IRF2BPL: variants seen among roughly 807,000 people sequenced by gnomAD.
IRF2BPL encodes probable E3 ubiquitin-protein ligase IRF2BPL.
IRF2BPL carries 13 observed loss-of-function variants against 51.2 expected under a neutral mutation model. The observed-to-expected ratio is 0.25, with a 90% CI of 0.17 to 0.40. The LOEUF (loss-of-function observed/expected upper bound fraction) is 0.40, where lower values mean the gene tolerates loss of function less well. Ranked by LOEUF, IRF2BPL falls within the 10% of genes least tolerant of loss-of-function variation. The pLI is 1.00. For missense variants in IRF2BPL, 1,210 were observed against 1,111.8 expected (o/e 1.09, Z -1.26); for synonymous variants, 768 against 509.2 (o/e 1.51, Z -6.84).
rs763965822 is a variant in IRF2BPL, at chr14:77,027,424, CTGCTGCTGCTGCTGCTGCTGCTGCTGT to C, written c.342_368del (p.Gln119_Gln127del). 994 of 209,938 alleles carry C rather than the reference CTGCTGCTGCTGCTGCTGCTGCTGCTGT, an allele frequency of 4.7e-3. No homozygotes were observed. The highest frequency in any genetic ancestry group is 0.013 in the South Asian group (191 of 14,610). 13.0% of individuals were successfully genotyped at this position (209,938 alleles called of 1,614,324 possible). The stretch of plus-strand genomic sequence containing the variant: ...CAACGTGGTTGAGCTGTTGTTGCTG[CTGCTGCTGCTGCTGCTGCTGCTGCTGT>C]TGCTGCTGCTGCTGCTGCTGTTGCT... On this transcript the variant is annotated inframe_deletion, in exon 1 of 1. Coordinates refer to ENST00000238647, the MANE Select transcript of IRF2BPL (RefSeq NM_024496.4).
In IRF2BPL at chr14:77,026,877, A is replaced by G; in HGVS notation, c.916T>C (p.Ser306Pro). The G allele has an allele frequency of 6.4e-7, 1 of 1,573,424 alleles. No individual in the cohort carries two copies. Among genetic ancestry groups the G allele is most frequent in the South Asian group, 1.2e-5 (1 of 86,526 alleles). ...GACGACGCGGAGGACGACGTGGCCGATACACCCGGGGTACCCCCGAGACAA... is the reference window on the plus strand; with the variant it reads ...GACGACGCGGAGGACGACGTGGCCGGTACACCCGGGGTACCCCCGAGACAA... ...PACLGGTPGV[S>P]ATSSSASSST... The change falls in exon 1 of 1, where the codon TCG (serine) becomes CCG (proline). Residue 306 changes from serine to proline, a missense_variant. Coordinates refer to ENST00000238647, the MANE Select transcript of IRF2BPL (RefSeq NM_024496.4).
Position 77,025,263 on chromosome 14 carries a change from C to A in IRF2BPL, c.*139G>T. ...ACGAAAATAATGTCTATACATAAGA[C>A]TAACTTTTTGCAGTTTCGTTATATT... On this transcript the variant is annotated 3_prime_UTR_variant, in exon 1 of 1. Coordinates refer to ENST00000238647, the MANE Select transcript of IRF2BPL (RefSeq NM_024496.4). The A allele has an allele frequency of 1.8e-6, 1 of 542,048 alleles. No homozygotes were observed. The highest frequency in any genetic ancestry group is 3.2e-6 in the Non-Finnish European group (1 of 314,376). The allele number at this position is 542,048 out of a possible 1,614,324, so 33.6% of individuals were successfully genotyped here. A position where few individuals can be genotyped will look rare whatever the true frequency, so the allele number is the denominator to read the frequency against.
Position 77,025,908 on chromosome 14 carries a change from A to G in IRF2BPL, c.1885T>C (p.Ser629Pro). ...GCTGTGCCCAGAGTATCTGCCACCG[A>G]CATGAGAGCGGCCATAGGGGACGGA... is the stretch of plus-strand genomic sequence containing the variant. ...NGPSPMAALM[S>P]VADTLGTAHS... Residue 629 changes from serine to proline, a missense_variant, in exon 1 of 1, where the codon TCG becomes CCG. By Grantham distance (74) the Ser-to-Pro change is moderately conservative. Coordinates refer to ENST00000238647, the MANE Select transcript of IRF2BPL (RefSeq NM_024496.4). The G allele has an allele frequency of 1.2e-6, 2 of 1,611,682 alleles. No homozygotes were observed. Among genetic ancestry groups the G allele is most frequent in the Non-Finnish European group, 1.7e-6 (2 of 1,179,486 alleles).
rs368523240 is a variant in IRF2BPL, at chr14:77,026,431, G to A, written c.1362C>T (p.Ser454=). ...CGTACTCCAGGTACTTGAAACCCGA[G>A]GATAGGCCCCGGCCGAAGTCCTTCA... ...DCMKDFGRGL[S]SGFKYLEYEK... Residue 454 remains serine, a synonymous_variant, in exon 1 of 1, where the codon TCC becomes TCT. Transcript: ENST00000238647. 1.1e-5 allele frequency: 17 copies of A among 1,613,390 alleles called. No homozygotes were observed. Among genetic ancestry groups the A allele is most frequent in the Admixed American group, 3.3e-5 (2 of 60,006 alleles).
rs775688037 is a variant in IRF2BPL at position 77,026,590 on chromosome 14, G to T, written c.1203C>A (p.Arg401=). 11 of 1,613,844 alleles carry T rather than the reference G, an allele frequency of 6.8e-6. No individual in the cohort carries two copies. The East Asian group carries it at 2.5e-4, about 36-fold the overall frequency. Residue 401 remains arginine (R), a synonymous_variant, in exon 1 of 1, where the codon CGC becomes CGA. Transcript: ENST00000238647. ...RFKKDHSLLG[R]VFAFDAVSKP... ...TGGAGACGGCGTCGAAGGCGAAAAC[G>T]CGGCCCAGCAGCGAGTGGTCCTTCT...
chr14:77,028,643 T>G lies in IRF2BPL; in HGVS notation c.-851A>C. On this transcript the variant is annotated 5_prime_UTR_variant, in exon 1 of 1. Transcript: ENST00000238647. Reference sequence around the variant, plus strand: ...GCTCGCCCGGAATGTGGGGTTGTGATTGTTACTCTACGTTCCGGAGGCGCG... The same window carrying G: ...GCTCGCCCGGAATGTGGGGTTGTGAGTGTTACTCTACGTTCCGGAGGCGCG... The G allele has an allele frequency of 5.2e-6, 2 of 381,802 alleles. No homozygotes were observed. The highest frequency in any genetic ancestry group is 9.3e-6 in the Non-Finnish European group (2 of 214,936). 23.7% of individuals were successfully genotyped at this position (381,802 alleles called of 1,614,324 possible).
In IRF2BPL at chr14:77,025,885, T is replaced by C. The variant is rs138274851; in HGVS notation, c.1908A>G (p.Thr636=). The change falls in exon 1 of 1, where the codon ACA becomes ACG. Residue 636 remains threonine (T), a synonymous_variant. Coordinates refer to ENST00000238647, the MANE Select transcript of IRF2BPL (RefSeq NM_024496.4). Reference sequence around the variant, plus strand: ...AACTGCCATCCTTGGGCGAGTGCGCTGTGCCCAGAGTATCTGCCACCGACA... The same window carrying C: ...AACTGCCATCCTTGGGCGAGTGCGCCGTGCCCAGAGTATCTGCCACCGACA... ...ALMSVADTLG[T]AHSPKDGSSV... is the part of the protein sequence containing the mutation. 105 of 1,612,252 alleles carry C rather than the reference T, an allele frequency of 6.5e-5. No individual in the cohort carries two copies. The African/African-American group carries it at 1.1e-3, about 18-fold the overall frequency.
rs1362736082 is a variant in IRF2BPL at position 77,025,998 on chromosome 14, G to A, written c.1795C>T (p.Pro599Ser). 6.4e-7 allele frequency: 1 copy of A among 1,571,526 alleles called. No homozygotes were observed. The highest frequency in any genetic ancestry group is 8.6e-7 in the Non-Finnish European group (1 of 1,159,722). Reference sequence around the variant, plus strand: ...GAATGGGGTCCCAGAGGTGGGGGCGGCGGAGGCGGACCCCCCGCCGCGTGC... The same window carrying A: ...GAATGGGGTCCCAGAGGTGGGGGCGACGGAGGCGGACCCCCCGCCGCGTGC... ...PGHAAGGPPP[P>S]PPPLGPHSNR... The change falls in exon 1 of 1, where the codon CCG (proline) becomes TCG (serine). Residue 599 changes from proline to serine, a missense_variant. Coordinates refer to ENST00000238647, the MANE Select transcript of IRF2BPL (RefSeq NM_024496.4).
rs115356554 is a variant in IRF2BPL, at chr14:77,025,519, G to A, written c.2274C>T (p.Cys758=). The stretch of plus-strand genomic sequence containing the variant: ...CTAGGGGGCATTTCTCTCCGCTGGG[G>A]CAATACACCTCGCCGGTGGCCCCCT... ...KAQGATGEVY[C]PSGEKCPLVG... is the part of the protein sequence containing the mutation. The change falls in exon 1 of 1, where the codon TGC becomes TGT. Residue 758 remains cysteine (C), a synonymous_variant. Coordinates refer to ENST00000238647, the MANE Select transcript of IRF2BPL (RefSeq NM_024496.4). 8.4e-4 allele frequency: 1,351 copies of A among 1,613,966 alleles called. 16 individuals are homozygous for A. The African/African-American group carries it at 0.016, about 19-fold the overall frequency.
Position 77,026,997 on chromosome 14 carries a change from C to A in IRF2BPL, c.796G>T (p.Ala266Ser), listed in dbSNP as rs1193132127. Residue 266 changes from alanine (A) to serine (S), a missense_variant, in exon 1 of 1, where the codon GCC becomes TCC. By Grantham distance (99) the Ala-to-Ser change is moderately conservative (BLOSUM62 1). Transcript: ENST00000238647. ...GGTGGGGGGAGTACCGCAGCGCTGG[C>A]CGGGCCGTTAAGCAGCGTCTGCGGT... ...LLPQTLLNGP[A>S]SAAVLPPPPP... 3 of 1,500,558 alleles carry A rather than the reference C, an allele frequency of 2.0e-6. No homozygotes were observed. Among genetic ancestry groups the A allele is most frequent in the South Asian group, 2.6e-5 (2 of 77,948 alleles). The allele number at this position is 1,500,558 out of a possible 1,614,324, so 93.0% of individuals were successfully genotyped here.
chr14:77,027,130 C>T lies in IRF2BPL; in HGVS notation c.663G>A (p.Ala221=), dbSNP rs1417957813. 1.4e-5 allele frequency: 23 copies of T among 1,612,692 alleles called. No individual in the cohort carries two copies. The highest frequency in any genetic ancestry group is 1.7e-5 in the Non-Finnish European group (20 of 1,179,622). ...LNRQSPNSSS[A]AASVASRRGT... ...CACGCCGAGACGCCACCGACGCCGC[C>T]GCTGAAGAAGAATTGGGGCTCTGAC... Residue 221 remains alanine (A), a synonymous_variant, in exon 1 of 1, where the codon GCG becomes GCA. Transcript: ENST00000238647.
In IRF2BPL at chr14:77,025,810, G is replaced by C. The variant is rs775080917; in HGVS notation, c.1983C>G (p.Val661=). The change falls in exon 1 of 1, where the codon GTC becomes GTG. Residue 661 remains valine (V), a synonymous_variant. Coordinates refer to ENST00000238647, the MANE Select transcript of IRF2BPL (RefSeq NM_024496.4). ...GCTGCCCCGGCACGGAGGCCGGCGA[G>C]ACTGGGCTGCTGCTGTTTCGCCGCG... is the stretch of plus-strand genomic sequence containing the variant. ...ASARRNSSSP[V]SPASVPGQRR... 2 of 1,612,300 alleles carry C rather than the reference G, an allele frequency of 1.2e-6. No individual in the cohort carries two copies. The highest frequency in any genetic ancestry group is 8.5e-7 in the Non-Finnish European group (1 of 1,179,710).
Position 77,025,893 on chromosome 14 carries a change from G to A in IRF2BPL, c.1900C>T (p.Leu634=), listed in dbSNP as rs749884011. 4 of 1,612,152 alleles carry A rather than the reference G, an allele frequency of 2.5e-6. No individual in the cohort carries two copies. The highest frequency in any genetic ancestry group is 1.7e-5 in the Admixed American group (1 of 59,946). The stretch of plus-strand genomic sequence containing the variant: ...TCCTTGGGCGAGTGCGCTGTGCCCA[G>A]AGTATCTGCCACCGACATGAGAGCG... ...MAALMSVADT[L]GTAHSPKDGS... Residue 634 remains leucine, a synonymous_variant, in exon 1 of 1, where the codon CTG becomes TTG. Transcript: ENST00000238647.
In IRF2BPL at chr14:77,025,435, C is replaced by T. The variant is rs1405854314; in HGVS notation, c.2358G>A (p.Gly786=). The change falls in exon 1 of 1, where the codon GGG becomes GGA. Residue 786 remains glycine, a synonymous_variant. Coordinates refer to ENST00000238647, the MANE Select transcript of IRF2BPL (RefSeq NM_024496.4). ...CTCTCTCCTTTTTCACTTTAACATC[C>T]CCAGCTAAGATAGTCGCGATTTCGC... The part of the protein sequence containing the change: ...MQGEIATILA[G]DVKVKKERDP 6 of 1,580,222 alleles carry T rather than the reference C, an allele frequency of 3.8e-6. No homozygotes were observed. The highest frequency in any genetic ancestry group is 3.6e-5 in the Admixed American group (2 of 54,938).
In IRF2BPL at chr14:77,027,996, C is replaced by T. The variant is rs1885213690; in HGVS notation, c.-204G>A. ...CGCCGTGGGGGCTCCACCGCCCGGG[C>T]AGCGGACGGGTTCAGCCCTCTCTTC... is the stretch of plus-strand genomic sequence containing the variant. On this transcript the variant is annotated 5_prime_UTR_variant, in exon 1 of 1. Coordinates refer to ENST00000238647, the MANE Select transcript of IRF2BPL (RefSeq NM_024496.4). The T allele has an allele frequency of 1.7e-6, 1 of 577,074 alleles. No homozygotes were observed. Among genetic ancestry groups the T allele is most frequent in the South Asian group, 2.7e-5 (1 of 36,688 alleles). The allele number at this position is 577,074 out of a possible 1,614,324, so 35.7% of individuals were successfully genotyped here.
rs774391283 is a variant in IRF2BPL at position 77,027,502 on chromosome 14, G to A, written c.291C>T (p.Ala97=). 49 of 664,752 alleles carry A rather than the reference G, an allele frequency of 7.4e-5. 1 individual carries two copies. In the East Asian group the frequency reaches 1.6e-3, roughly 22 times the overall value. 41.2% of individuals were successfully genotyped at this position (664,752 alleles called of 1,614,324 possible). Residue 97 remains alanine, a synonymous_variant, in exon 1 of 1, where the codon GCC becomes GCT. Transcript: ENST00000238647. ...EAAAAAAAAA[A]AAAAAQQQQQ... Reference sequence around the variant, plus strand: ...GTTGCTGTTGCGCGGCGGCGGCGGCGGCCGCCGCTGCTGCCGCCGCCGCCG... The same window carrying A: ...GTTGCTGTTGCGCGGCGGCGGCGGCAGCCGCCGCTGCTGCCGCCGCCGCCG...
rs551581162 is a variant in IRF2BPL at position 77,026,038 on chromosome 14, G to A, written c.1755C>T (p.Gly585=). 21 of 1,563,444 alleles carry A rather than the reference G, an allele frequency of 1.3e-5. No individual in the cohort carries two copies. The African/African-American group carries it at 2.4e-4, about 18-fold the overall frequency. ...CCGCCGCGTGCCCCGGCGCCGCGAA[G>A]CCCCCGGCGGACATGGTGAGCTTCA... The part of the protein sequence containing the change: ...EALKLTMSAG[G]FAAPGHAAGG... Residue 585 remains glycine (G), a synonymous_variant, in exon 1 of 1, where the codon GGC becomes GGT. Transcript: ENST00000238647.
chr14:77,027,547 G>T lies in IRF2BPL; in HGVS notation c.246C>A (p.Ala82=), dbSNP rs1885189845. ...PPPPVGVKTV[A]LSAKEAAAAA... ...CCGCCGCCGCTTCCTTAGCCGACAG[G>T]GCCACTGTCTTGACCCCGACGGGCG... is the stretch of plus-strand genomic sequence containing the variant. Residue 82 remains alanine, a synonymous_variant, in exon 1 of 1, where the codon GCC becomes GCA. Transcript: ENST00000238647. 9.1e-6 allele frequency: 7 copies of T among 766,706 alleles called. No homozygotes were observed. Among genetic ancestry groups the T allele is most frequent in the Non-Finnish European group, 1.2e-5 (7 of 600,070 alleles). The allele number at this position is 766,706 out of a possible 1,614,324, so 47.5% of individuals were successfully genotyped here. A position where few individuals can be genotyped will look rare whatever the true frequency, so the allele number is the denominator to read the frequency against.
chr14:77,028,204 C>T lies in IRF2BPL; in HGVS notation c.-412G>A, dbSNP rs1486737542. Reference sequence around the variant, plus strand: ...CTGGTGCGTGGAAGCTCGAAAGGGGCTGTCTCTTCCTCTCCCCGGGGACCC... The same window carrying T: ...CTGGTGCGTGGAAGCTCGAAAGGGGTTGTCTCTTCCTCTCCCCGGGGACCC... On this transcript the variant is annotated 5_prime_UTR_variant, in exon 1 of 1. Transcript: ENST00000238647. The T allele has an allele frequency of 8.9e-6, 2 of 225,770 alleles. No individual in the cohort carries two copies. Among genetic ancestry groups the T allele is most frequent in the African/African-American group, 2.3e-5 (1 of 43,350 alleles). The allele number at this position is 225,770 out of a possible 1,614,324, so 14.0% of individuals were successfully genotyped here.
Sources: gnomAD v4.1 joint callset for allele counts on GRCh38, gnomAD v4.1.1 for gene constraint, MANE v1.5 for transcripts, NCBI Gene and HGNC (gene_info 2026-07-23, HGNC 2026-07-21) for gene names.